LMTK3: variants seen among roughly 807,000 people sequenced by gnomAD.
LMTK3 encodes the protein lemur tail kinase 3, also known as serine/threonine-protein kinase LMTK3.
LMTK3 carries 27 observed loss-of-function variants against 116.7 expected under a neutral mutation model. The observed-to-expected ratio is 0.23, with a 90% CI of 0.17 to 0.32. The LOEUF is 0.32. Ranked by LOEUF, LMTK3 falls within the 10% of genes least tolerant of loss-of-function variation. The pLI is 1.00. For synonymous variants in LMTK3, 965 were observed against 971.0 expected (o/e 0.99, Z 0.11); for missense variants, 1,764 against 2,068.5 (o/e 0.85, Z 2.86).
In LMTK3 at chr19:48,497,459, C is replaced by T; in HGVS notation, c.3610G>A (p.Gly1204Ser). ...AAGAATAGTCGTGGCATCTCGGGGC[C>T]CTTCCTCTCGGGCTTGGGGGGGTCC... ...DGDPPKPERK[G>S]PEMPRLFLDL... The change falls in exon 11 of 15, where the codon GGC becomes AGC. Residue 1204 changes from glycine to serine, a missense_variant. Transcript: ENST00000600059. This position sits in a 1 kb window ranked among gnomAD's most constrained non-coding sequence, Gnocchi z 5.7. 4.6e-6 allele frequency: 7 copies of T among 1,529,904 alleles called. No individual in the cohort carries two copies. The highest frequency in any genetic ancestry group is 6.1e-6 in the Non-Finnish European group (7 of 1,142,032). The allele number at this position is 1,529,904 out of a possible 1,614,324, so 94.8% of individuals were successfully genotyped here. A position where few individuals can be genotyped will look rare whatever the true frequency, so the allele number is the denominator to read the frequency against.
chr19:48,498,801 CGGGGGG>C lies in LMTK3; in HGVS notation c.2262_2267del (p.Pro759_Pro760del). The C allele has an allele frequency of 6.7e-6, 2 of 298,070 alleles. No homozygotes were observed. The highest frequency in any genetic ancestry group is 9.8e-6 in the Non-Finnish European group (2 of 204,064). The allele number at this position is 298,070 out of a possible 1,614,324, so 18.5% of individuals were successfully genotyped here. A position where few individuals can be genotyped will look rare whatever the true frequency, so the allele number is the denominator to read the frequency against. On this transcript the variant is annotated inframe_deletion, in exon 11 of 15. Coordinates refer to ENST00000600059, the MANE Select transcript of LMTK3 (RefSeq NM_001388485.1). ...CCGCGGGGGCCCGAGGAGGTGGCGG[CGGGGGG>C]GGGGGAGCGGGAGGTGGCCCCCGCC...
rs764089001 is a variant in LMTK3, at chr19:48,497,550, G to T, written c.3519C>A (p.Ala1173=). Residue 1173 remains alanine, a synonymous_variant, in exon 11 of 15, where the codon GCC becomes GCA. Transcript: ENST00000600059. This position sits in a 1 kb window ranked among gnomAD's most constrained non-coding sequence, Gnocchi z 5.7. ...CTGGGGCCCCGGGCTCTCCCTCGGG[G>T]GCCACCTCCGGCCTGGCTCTCGGGG... The part of the protein sequence containing the change: ...PAPPRARPEV[A]PEGEPGAPDS... 4 of 1,363,206 alleles carry T rather than the reference G, an allele frequency of 2.9e-6. No homozygotes were observed. Among genetic ancestry groups the T allele is most frequent in the East Asian group, 2.8e-5 (1 of 35,560 alleles). 84.4% of individuals were successfully genotyped at this position (1,363,206 alleles called of 1,614,324 possible).
At chr19:48,510,658 C>T in intron 1 of LMTK3, 66 bp from the exon 2 acceptor site, 3 of 1,467,326 alleles carry the variant, frequency 2.0e-6, no homozygotes, top group Non-Finnish European at 2.7e-6. Flanking sequence ...CATGCCCCCT[C>T]CCGTCCCGGC....
rs1488084538 is a variant in LMTK3, at chr19:48,499,046, C to T, written c.2023G>A (p.Glu675Lys). The change falls in exon 11 of 15, where the codon GAG becomes AAG. Residue 675 changes from glutamate (E) to lysine (K), a missense_variant. Physicochemically the swap from Glu to Lys is moderately conservative, Grantham distance 56. Around this residue, in one of 7 missense-constraint regions of LMTK3, gnomAD observed 1,028 missense variants for 1,050.6 expected, o/e 0.98. Coordinates refer to ENST00000600059, the MANE Select transcript of LMTK3 (RefSeq NM_001388485.1). ...AGTGGCAGGCAGGAGCAGGCCCCCT[C>T]GCGGCTGCACAGGGGACAGGGTAGG... ...GPLPCPLCSR[E>K]GACSCLPLER... The T allele has an allele frequency of 6.7e-6, 10 of 1,502,244 alleles. No homozygotes were observed. Among genetic ancestry groups the T allele is most frequent in the African/African-American group, 4.2e-5 (3 of 70,652 alleles). 93.1% of individuals were successfully genotyped at this position (1,502,244 alleles called of 1,614,324 possible).
intron 12 of LMTK3, among the ~76,000 whole-genome samples, chr19:48,493,021 T>G (rs1972252734): frequency 6.6e-6 from 1 of 151,192 alleles, no homozygotes; most frequent in Non-Finnish European, 1.5e-5. Flanking sequence ...GACCCCGCCT[T>G]CACCCCTCAG....
In LMTK3 at chr19:48,511,590, G is replaced by A. The variant is rs1972663157; in HGVS notation, c.-14C>T. 3.0e-6 allele frequency: 4 copies of A among 1,338,634 alleles called. No individual in the cohort carries two copies. The highest frequency in any genetic ancestry group is 4.0e-6 in the Non-Finnish European group (4 of 1,010,538). 82.9% of individuals were successfully genotyped at this position (1,338,634 alleles called of 1,614,324 possible). On this transcript the variant is annotated 5_prime_UTR_variant, in exon 1 of 15. Transcript: ENST00000600059. ...GGGGGCAGGCATCTTGTCGAGGATG[G>A]CAGGGAGGTGGAGGTGGTGGCGGCT...
rs1049235993 is a variant in LMTK3 at position 48,510,601 on chromosome 19, A to G, written c.77-9T>C. On this transcript the variant is annotated splice_polypyrimidine_tract_variant and intron_variant, in intron 1 of 14. Coordinates refer to ENST00000600059, the MANE Select transcript of LMTK3 (RefSeq NM_001388485.1). ...GCCCAGGGCGAATCCATCTGTGGGC[A>G]CAGGGCTGGGCTGGGGTCCCAGCTT... The G allele has an allele frequency of 6.4e-7, 1 of 1,564,436 alleles. No individual in the cohort carries two copies. The highest frequency in any genetic ancestry group is 8.6e-7 in the Non-Finnish European group (1 of 1,159,138).
chr19:48,493,587 G>A, intron 12 of LMTK3, 107 bp downstream of exon 12: 1 of 1,099,220 alleles, frequency 9.1e-7, no homozygotes, highest in Admixed American at 3.8e-5. Flanking sequence ...CCTCCCTCCA[G>A]GCCCCGCCCA....
Position 48,491,358 on chromosome 19 carries a change from G to A in LMTK3, c.4228+46C>T. Reference sequence around the variant, plus strand: ...CCACCCCATAGACCCCGCCCCGTCCGCCCCATGGCTCCCGCCCCCTCCCGC... The same window carrying A: ...CCACCCCATAGACCCCGCCCCGTCCACCCCATGGCTCCCGCCCCCTCCCGC... On this transcript the variant is annotated intron_variant, in intron 13 of 14. Transcript: ENST00000600059. This position sits in a 1 kb window ranked among gnomAD's most constrained non-coding sequence, Gnocchi z 5.1. 3.3e-6 allele frequency: 2 copies of A among 612,230 alleles called. No homozygotes were observed. Among genetic ancestry groups the A allele is most frequent in the Non-Finnish European group, 4.4e-6 (2 of 459,562 alleles). The allele number at this position is 612,230 out of a possible 1,614,324, so 37.9% of individuals were successfully genotyped here. A position where few individuals can be genotyped will look rare whatever the true frequency, so the allele number is the denominator to read the frequency against.
chr19:48,497,691 G>A lies in LMTK3; in HGVS notation c.3378C>T (p.Gly1126=). The part of the protein sequence containing the change: ...PVGTGTAPGG[G]PGSGVDAKAG... ...CCTTTGCGTCCACGCCGCTTCCGGG[G>A]CCGCCGCCGGGGGCCGTCCCCGTGC... Residue 1126 remains glycine, a synonymous_variant, in exon 11 of 15, where the codon GGC becomes GGT. Coordinates refer to ENST00000600059, the MANE Select transcript of LMTK3 (RefSeq NM_001388485.1). This position sits in a 1 kb window ranked among gnomAD's most constrained non-coding sequence, Gnocchi z 5.7. The A allele has an allele frequency of 7.6e-7, 1 of 1,314,214 alleles. No homozygotes were observed. 81.4% of individuals were successfully genotyped at this position (1,314,214 alleles called of 1,614,324 possible).
In LMTK3 at chr19:48,485,768, G is replaced by C; in HGVS notation, c.*5C>G. 6.2e-7 allele frequency: 1 copy of C among 1,610,806 alleles called. No homozygotes were observed. Among genetic ancestry groups the C allele is most frequent in the South Asian group, 1.1e-5 (1 of 90,478 alleles). On this transcript the variant is annotated 3_prime_UTR_variant, in exon 15 of 15. Transcript: ENST00000600059. Reference sequence around the variant, plus strand: ...AGGGTGCAGCGGGGTCGGGTCTTCGGGGAATCAATTCTCCACGGGGCCTGA... The same window carrying C: ...AGGGTGCAGCGGGGTCGGGTCTTCGCGGAATCAATTCTCCACGGGGCCTGA...
At chr19:48,510,847 C>T (rs1377883413) in intron 1 of LMTK3, among the ~76,000 whole-genome samples, 1 of 152,182 alleles carries the variant, frequency 6.6e-6, no homozygotes, top group Non-Finnish European at 1.5e-5. Flanking sequence ...CACCCCATCC[C>T]CTCACCCCAG....
chr19:48,504,183 C>G (rs1443218838), intron 5 of LMTK3, among the ~76,000 whole-genome samples: 2 of 152,166 alleles, frequency 1.3e-5, no homozygotes, highest in African/African-American at 2.4e-5. Context: ...CTACGGTTCT[C>G]TCTCTGCAGA....
At chr19:48,503,020 G>C in intron 5 of LMTK3, 24 bp from the exon 6 acceptor site, 2 of 1,499,682 alleles carry the variant, frequency 1.3e-6, no homozygotes, top group South Asian at 2.3e-5. Context: ...AGGTGGCTGA[G>C]TTGGGAAGGC....
In LMTK3 at chr19:48,499,874, G is replaced by C; in HGVS notation, c.1195C>G (p.Pro399Ala). ...TGCAATTGGAGATCAGAGGCTGAAG[G>C]GCGCTGGGCAGGTGGCCGCCAGCAG... ...QSCWRPPAQR[P>A]SASDLQLQLT... The change falls in exon 11 of 15, where the codon CCT becomes GCT. Residue 399 changes from proline (P) to alanine (A), a missense_variant. Transcript: ENST00000600059. 1 of 1,597,912 alleles carries C rather than the reference G, an allele frequency of 6.3e-7. No homozygotes were observed. The highest frequency in any genetic ancestry group is 8.5e-7 in the Non-Finnish European group (1 of 1,173,980).
At chr19:48,508,300 G>A (rs895457092) in intron 5 of LMTK3, among the ~76,000 whole-genome samples, 1 of 152,034 alleles carries the variant, frequency 6.6e-6, no homozygotes, top group African/African-American at 2.4e-5. Context: ...TCTGATAAGG[G>A]GTCTCTGCGA....
intron 5 of LMTK3, among the ~76,000 whole-genome samples, chr19:48,507,337 T>C (rs891800562): frequency 2.0e-5 from 3 of 152,118 alleles, no homozygotes; most frequent in African/African-American, 4.8e-5. Flanking sequence ...GATGGGAACA[T>C]TGGGATTTGA....
In LMTK3 at chr19:48,502,952, A is replaced by G. The variant is rs1332962698; in HGVS notation, c.602T>C (p.Val201Ala). Residue 201 changes from valine (V) to alanine (A), a missense_variant, in exon 6 of 15, where the codon GTG becomes GCG. This residue lies in a region of LMTK3 where 271 missense variants were observed against 478.2 expected (regional missense o/e 0.57). Transcript: ENST00000600059. Reference sequence around the variant, plus strand: ...AATCAGCAGAAACGGCAGCGTCTCCACGCACAGACCCAGGCACTGGAGGAC... The same window carrying G: ...AATCAGCAGAAACGGCAGCGTCTCCGCGCACAGACCCAGGCACTGGAGGAC... Reference protein sequence around the residue: ...PNVLQCLGLCVETLPFLLIME... With the variant: ...PNVLQCLGLCAETLPFLLIME... 6.2e-7 allele frequency: 1 copy of G among 1,612,966 alleles called. No homozygotes were observed. Among genetic ancestry groups the G allele is most frequent in the Non-Finnish European group, 8.5e-7 (1 of 1,179,576 alleles).
chr19:48,508,936 G>C lies in LMTK3; in HGVS notation c.472C>G (p.Pro158Ala). 1 of 1,611,924 alleles carries C rather than the reference G, an allele frequency of 6.2e-7. No individual in the cohort carries two copies. Among genetic ancestry groups the C allele is most frequent in the Non-Finnish European group, 8.5e-7 (1 of 1,178,902 alleles). The stretch of plus-strand genomic sequence containing the variant: ...AGCTCCTTCACCACCACCTGGGCGG[G>C]GGTGTAGTCGGAGAAAATCTCTCCC... Reference protein sequence around the residue: ...ILGEIFSDYTPAQVVVKELRA... With the variant: ...ILGEIFSDYTAAQVVVKELRA... The change falls in exon 5 of 15, where the codon CCC (proline) becomes GCC (alanine). Residue 158 changes from proline (P) to alanine (A), a missense_variant. By Grantham distance (27) the Pro-to-Ala change is conservative. Around this residue, in one of 7 missense-constraint regions of LMTK3, gnomAD observed 271 missense variants for 478.2 expected, o/e 0.57. Coordinates refer to ENST00000600059, the MANE Select transcript of LMTK3 (RefSeq NM_001388485.1).
Sources: allele counts gnomAD v4.1 joint callset (sites outside exome capture counted in the v4.1 genomes callset), GRCh38; gene constraint gnomAD v4.1.1; regional missense constraint gnomAD v4.1.1; non-coding constraint Gnocchi (gnomAD v3.1); transcripts MANE v1.5; gene names NCBI Gene and HGNC (gene_info 2026-07-23, HGNC 2026-07-21).